MAP4K4: variants seen among roughly 807,000 people sequenced by gnomAD.
MAP4K4 encodes the protein mitogen-activated protein kinase kinase kinase kinase 4.
MAP4K4 carries 38 observed loss-of-function variants against 189.6 expected under a neutral mutation model. That is an observed-to-expected ratio of 0.20 (90% CI 0.15 to 0.26). The LOEUF (loss-of-function observed/expected upper bound fraction) is 0.26. Among genes scored for constraint, MAP4K4 ranks in the 10% least tolerant of loss-of-function variants. The pLI, the probability that MAP4K4 is intolerant of heterozygous loss-of-function variation, is 1.00. For missense variants in MAP4K4, 1,054 were observed against 1,726.9 expected, an observed-to-expected ratio of 0.61 and a Z score of 6.91; for synonymous variants, 610 against 624.3, an observed-to-expected ratio of 0.98 and a Z score of 0.34.
In MAP4K4 at chr2:101,788,355, A is replaced by G. The variant is rs73943778; in HGVS notation, c.124-2365A>G. ...CTTATAGACTCTCTGCACTTTATCT[A>G]CCACCTGCCGGACTCTAGAACGGGG... is the stretch of plus-strand genomic sequence containing the variant. On this transcript the variant is annotated intron_variant, in intron 2 of 32. Transcript: ENST00000324219. 9.7e-3 allele frequency among the ~76,000 whole-genome samples: 1,479 copies of G among 152,210 alleles called. 26 individuals carry two copies. The highest frequency in any genetic ancestry group is 0.034 in the African/African-American group (1,403 of 41,530).
chr2:101,790,890 T>A (rs1575601951), intron 3 of MAP4K4, 114 bp downstream of exon 3: 1 of 906,592 alleles, frequency 1.1e-6, no homozygotes, highest in Non-Finnish European at 1.8e-6. Flanking sequence ...CAAATTGCCC[T>A]CCTGTGACAT....
chr2:101,727,048 C>T (rs112456397), intron 2 of MAP4K4, among the ~76,000 whole-genome samples: 441 of 152,246 alleles, frequency 2.9e-3, no homozygotes, highest in Non-Finnish European at 4.9e-3. Flanking sequence ...CCTATTAGTC[C>T]ATGAATGGAT....
intron 2 of MAP4K4, among the ~76,000 whole-genome samples, chr2:101,731,882 G>A (rs990091548): frequency 6.6e-6 from 1 of 151,964 alleles, no homozygotes; most frequent in Non-Finnish European, 1.5e-5. Flanking sequence ...AAAAAGTTTT[G>A]GTTCCTGGAT....
At chr2:101,734,628 C>T (rs1041243404) in intron 2 of MAP4K4, among the ~76,000 whole-genome samples, 2 of 152,190 alleles carry the variant, frequency 1.3e-5, no homozygotes, top group African/African-American at 2.4e-5. Context: ...TCTGTGAGAA[C>T]TGGCCTGTCC....
intron 5 of MAP4K4, 71 bp from the exon 6 acceptor site, chr2:101,829,433 A>G (rs2096519999): frequency 9.9e-7 from 1 of 1,005,080 alleles, no homozygotes; most frequent in South Asian, 1.4e-5. Context: ...ACTTTCTTAT[A>G]AAAGGTGTGT....
chr2:101,874,635 A>G (rs894723143), intron 26 of MAP4K4, among the ~76,000 whole-genome samples: 6 of 152,236 alleles, frequency 3.9e-5, no homozygotes, highest in Non-Finnish European at 8.8e-5. Context: ...ATAAAATTCA[A>G]TCATATCTAG....
intron 2 of MAP4K4, 144 bp from the exon 3 acceptor site, chr2:101,790,576 C>T: frequency 1.5e-6 from 1 of 651,348 alleles, no homozygotes; most frequent in East Asian, 2.8e-5. Flanking sequence ...TATTGGAGAG[C>T]ACAGGACTAT....
chr2:101,760,337 A>C (rs1346611506), intron 2 of MAP4K4, among the ~76,000 whole-genome samples: 1 of 151,754 alleles, frequency 6.6e-6, no homozygotes, highest in Non-Finnish European at 1.5e-5. Flanking sequence ...AAAAATACAA[A>C]AATTAGCCAG....
chr2:101,710,754 T>C (rs373016849), intron 2 of MAP4K4, among the ~76,000 whole-genome samples: 1 of 152,236 alleles, frequency 6.6e-6, no homozygotes, highest in South Asian at 2.1e-4. Context: ...TCAATTCAGA[T>C]GCTCTAGATG....
At chr2:101,860,090 A>C (rs1160547521) in intron 15 of MAP4K4, 1 of 582,384 alleles carries the variant, frequency 1.7e-6, no homozygotes. Flanking sequence ...CTCAGTTAAC[A>C]TATCCCAGAA....
At chr2:101,840,384 G>T (rs1859712) in intron 10 of MAP4K4, among the ~76,000 whole-genome samples, 2 of 151,982 alleles carry the variant, frequency 1.3e-5, no homozygotes, top group African/African-American at 4.8e-5. Context: ...AAGAACCCCC[G>T]CTCAGGGGAT....
Position 101,732,876 on chromosome 2 carries a change from C to T in MAP4K4, c.123+34338C>T, listed in dbSNP as rs73943747. On this transcript the variant is annotated intron_variant, in intron 2 of 32. Coordinates refer to ENST00000324219, the Ensembl canonical transcript of MAP4K4. ...TGTTGGGATTACAGGCGTGAGCCACCGCATCCAGCCCTCCTTGCTCCCATT... is the reference window on the plus strand; with the variant it reads ...TGTTGGGATTACAGGCGTGAGCCACTGCATCCAGCCCTCCTTGCTCCCATT... 4.6e-3 allele frequency among the ~76,000 whole-genome samples: 707 copies of T among 152,342 alleles called. 5 individuals carry two copies. Among genetic ancestry groups the T allele is most frequent in the African/African-American group, 0.016 (661 of 41,578 alleles).
chr2:101,777,414 T>C (rs923535732), intron 2 of MAP4K4, among the ~76,000 whole-genome samples: 2 of 152,156 alleles, frequency 1.3e-5, no homozygotes, highest in East Asian at 3.9e-4. Context: ...CTTCAAACAG[T>C]ATGGGTAGTG....
At chr2:101,819,156 C>CT (rs2095888143) in intron 3 of MAP4K4, among the ~76,000 whole-genome samples, 1 of 152,124 alleles carries the variant, frequency 6.6e-6, no homozygotes, top group Non-Finnish European at 1.5e-5. Flanking sequence ...GGCCCCTAGT[C>CT]TGTTTTCTGC....
At chr2:101,717,422 C>G (rs571198802) in intron 2 of MAP4K4, among the ~76,000 whole-genome samples, 10 of 152,288 alleles carry the variant, frequency 6.6e-5, no homozygotes, top group South Asian at 6.2e-4. Flanking sequence ...TAGTTCTTAG[C>G]ACCAATACAA....
At chr2:101,871,637 A>G (rs2098027850) in exon 24 of MAP4K4, 1 of 1,536,668 alleles carries the variant, frequency 6.5e-7, no homozygotes, top group Non-Finnish European at 8.7e-7. Context: ...GCCAGCCGAC[A>G]CCCACCATGT....
chr2:101,892,512 T>G (rs2098584609), exon 33 of MAP4K4: 1 of 201,848 alleles, frequency 5.0e-6, no homozygotes, highest in Non-Finnish European at 1.0e-5. Context: ...GAGGGGTTGG[T>G]AGCAGACAGG....
At chr2:101,887,897 G>A in exon 31 of MAP4K4, 11 of 1,611,642 alleles carry the variant, frequency 6.8e-6, no homozygotes, top group South Asian at 2.2e-5. Context: ...GGATCACCAA[G>A]GATGTAGTTC....
chr2:101,821,530 A>C (rs1475295049), intron 3 of MAP4K4, among the ~76,000 whole-genome samples: 1 of 152,220 alleles, frequency 6.6e-6, no homozygotes, highest in Non-Finnish European at 1.5e-5. Context: ...AGAGATTGTC[A>C]AAATATGTTA....
Sources: allele counts gnomAD v4.1 joint callset (sites outside exome capture counted in the v4.1 genomes callset), GRCh38; gene constraint gnomAD v4.1.1; transcripts MANE v1.5; gene names NCBI Gene and HGNC (gene_info 2026-07-23, HGNC 2026-07-21).